Variants in ADAMTSL1 observed in about 807,000 individuals in gnomAD.
The protein encoded by ADAMTSL1 is ADAMTS-like protein 1.
In ADAMTSL1, 126 loss-of-function variants were observed where a neutral mutation model predicts 201.8. The ratio of observed to expected loss-of-function variants is 0.62; its 90% CI spans 0.54 to 0.72. ADAMTSL1 has a LOEUF of 0.72. Ranked by LOEUF, ADAMTSL1 falls within the 30% of genes least tolerant of loss-of-function variation. ADAMTSL1 has a pLI of 0.00. For synonymous variants in ADAMTSL1, 1,121 were observed against 903.4 expected (o/e 1.24, Z -4.32); for missense variants, 2,679 against 2,277.8 (o/e 1.18, Z -3.59).
At chr9:18,353,154 C>T (rs1431978697) in intron 2 of ADAMTSL1, among the ~76,000 whole-genome samples, 2 of 152,164 alleles carry the variant, frequency 1.3e-5, no homozygotes, top group Non-Finnish European at 2.9e-5. Flanking sequence ...ACAAGGGAGG[C>T]CCTGAGGAAC....
chr9:18,086,771 G>T (rs1773553263), intron 1 of ADAMTSL1, among the ~76,000 whole-genome samples: 1 of 152,170 alleles, frequency 6.6e-6, no homozygotes, highest in South Asian at 2.1e-4. Flanking sequence ...GACAATTTCT[G>T]TAAAAAGTTG....
At chr9:18,615,245 A>G (rs951667877) in intron 4 of ADAMTSL1, among the ~76,000 whole-genome samples, 4 of 152,216 alleles carry the variant, frequency 2.6e-5, no homozygotes, top group South Asian at 2.1e-4. Flanking sequence ...AAACAAAAAA[A>G]CCAAGTGTGT....
intron 3 of ADAMTSL1, among the ~76,000 whole-genome samples, chr9:18,555,480 A>G (rs1821050010): frequency 6.6e-6 from 1 of 152,008 alleles, no homozygotes; most frequent in African/African-American, 2.4e-5. Context: ...TTGCAACTGG[A>G]AGGTCCTTAA....
chr9:18,122,093 T>G (rs1825526532), intron 1 of ADAMTSL1, among the ~76,000 whole-genome samples: 1 of 152,182 alleles, frequency 6.6e-6, no homozygotes, highest in Admixed American at 6.6e-5. Flanking sequence ...GGTGAAAGTT[T>G]CTTACAAAGT....
Position 18,777,431 on chromosome 9 carries a change from C to A in ADAMTSL1, c.3202C>A (p.Pro1068Thr), listed in dbSNP as rs1386073006. 6.2e-7 allele frequency: 1 copy of A among 1,600,138 alleles called. No individual in the cohort carries two copies. Residue 1068 changes from proline to threonine, a missense_variant, in exon 19 of 29, where the codon CCC (proline) becomes ACC (threonine). Coordinates refer to ENST00000380548, the MANE Select transcript of ADAMTSL1 (RefSeq NM_001040272.6). ...TGCAGAGCAAGTGCTCCTGCACCTG[C>A]CCTTCACCATGGTGACCGAGCAGCG... Reference protein sequence around the residue: ...PGAEQVLLHLPFTMVTEQRRL... With the variant: ...PGAEQVLLHLTFTMVTEQRRL...
intron 1 of ADAMTSL1, among the ~76,000 whole-genome samples, chr9:17,978,759 T>TTTGATAATTGAATTTTTCTAAATAC (rs1303470514): frequency 2.0e-5 from 3 of 151,638 alleles, no homozygotes; most frequent in Non-Finnish European, 3.0e-5. Context: ...AATACTTACC[T>TTTGATAATTGAATTTTTCTAAATAC]TTACCATTGA....
At chr9:18,770,307 T>C (rs1820616621) in intron 16 of ADAMTSL1, among the ~76,000 whole-genome samples, 1 of 152,188 alleles carries the variant, frequency 6.6e-6, no homozygotes, top group Non-Finnish European at 1.5e-5. Context: ...AAACCAGTTG[T>C]CTTGGATGGG....
chr9:18,363,811 G>C (rs992864761), intron 2 of ADAMTSL1, among the ~76,000 whole-genome samples: 1 of 152,128 alleles, frequency 6.6e-6, no homozygotes, highest in Non-Finnish European at 1.5e-5. Flanking sequence ...ACAAATGAGA[G>C]AGGGAAATTA....
intron 2 of ADAMTSL1, among the ~76,000 whole-genome samples, chr9:18,294,783 G>A (rs938342210): frequency 6.6e-6 from 1 of 152,062 alleles, no homozygotes; most frequent in African/African-American, 2.4e-5. Flanking sequence ...AATAATACCC[G>A]GTGGAAGGTG....
At position 18,905,627 on chromosome 9, in the gene ADAMTSL1, T is replaced by C. The variant is rs551871481; in HGVS notation, c.4852-155T>C. ...CCCATAAAGAAAACGTATCAGTGAG[T>C]GTCTTTTAGTTAGCCCAAAGAGGGG... On this transcript the variant is annotated intron_variant, in intron 26 of 28. Transcript: ENST00000380548. 32 of 600,064 alleles carry C rather than the reference T, an allele frequency of 5.3e-5. 1 individual carries two copies. The highest frequency in any genetic ancestry group is 4.5e-4 in the Middle Eastern group (1 of 2,224). 37.2% of individuals were successfully genotyped at this position (600,064 alleles called of 1,614,324 possible). A position where few individuals can be genotyped will look rare whatever the true frequency, so the allele number is the denominator to read the frequency against.
chr9:18,423,117 C>T (rs1172411736), intron 2 of ADAMTSL1, among the ~76,000 whole-genome samples: 1 of 152,138 alleles, frequency 6.6e-6, no homozygotes, highest in Admixed American at 6.5e-5. Context: ...CGAGGCCTTT[C>T]GCTGGTGACC....
At chr9:18,866,895 C>G (rs1827570782) in intron 23 of ADAMTSL1, among the ~76,000 whole-genome samples, 1 of 152,210 alleles carries the variant, frequency 6.6e-6, no homozygotes, top group African/African-American at 2.4e-5. Context: ...GAGTGTTGCC[C>G]TTATCCACCT....
At chr9:18,360,064 G>T (rs1251213957) in intron 2 of ADAMTSL1, among the ~76,000 whole-genome samples, 1 of 152,040 alleles carries the variant, frequency 6.6e-6, no homozygotes, top group Non-Finnish European at 1.5e-5. Context: ...TATAGTAATT[G>T]TATTATTGCT....
At chr9:18,235,596 A>C (rs1825320966) in intron 2 of ADAMTSL1, among the ~76,000 whole-genome samples, 1 of 152,224 alleles carries the variant, frequency 6.6e-6, no homozygotes, top group Admixed American at 6.5e-5. Flanking sequence ...GGGCTAAGTA[A>C]TCACCTTGAA....
At chr9:18,906,555 T>G in intron 27 of ADAMTSL1, 137 bp from the exon 28 acceptor site, 1 of 703,378 alleles carries the variant, frequency 1.4e-6, no homozygotes, top group Non-Finnish European at 2.3e-6. Context: ...AGCACAGAAA[T>G]CAGAATCCAG....
chr9:18,247,523 G>T (rs1030312934), intron 2 of ADAMTSL1, among the ~76,000 whole-genome samples: 4 of 152,174 alleles, frequency 2.6e-5, no homozygotes, highest in African/African-American at 9.7e-5. Flanking sequence ...ATACTAAGTT[G>T]GTGGGAAGTG....
chr9:18,706,837 C>T lies in ADAMTSL1; in HGVS notation c.1665C>T (p.Phe555=), dbSNP rs766313515. Residue 555 remains phenylalanine (F), a synonymous_variant, in exon 14 of 29, where the codon TTC becomes TTT. Transcript: ENST00000380548. ...TCAGGTGCCAGGTGCTCCTGTCTTT[C>T]TCTCAGTCCGTGGCTGACCTGCCTA... ...RIVRCQVLLS[F]SQSVADLPID... 2.5e-6 allele frequency: 4 copies of T among 1,612,258 alleles called. No individual in the cohort carries two copies. In the African/African-American group the frequency reaches 5.3e-5, roughly 22 times the overall value.
chr9:18,557,430 C>T (rs1475445203), intron 3 of ADAMTSL1, among the ~76,000 whole-genome samples: 1 of 152,000 alleles, frequency 6.6e-6, no homozygotes, highest in Non-Finnish European at 1.5e-5. Context: ...AGGGCCTGAC[C>T]TTGACTTTGC....
intron 2 of ADAMTSL1, among the ~76,000 whole-genome samples, chr9:18,513,993 G>A (rs894340757): frequency 3.9e-5 from 6 of 152,094 alleles, no homozygotes; most frequent in African/African-American, 1.4e-4. Flanking sequence ...TGTTTCATAT[G>A]AATTTTAGAA....
Sources: allele counts gnomAD v4.1 joint callset (sites outside exome capture counted in the v4.1 genomes callset), GRCh38; gene constraint gnomAD v4.1.1; transcripts MANE v1.5; gene names NCBI Gene and HGNC (gene_info 2026-07-23, HGNC 2026-07-21).